Variants in PDE10A observed in about 807,000 individuals in gnomAD.
PDE10A encodes the protein cAMP and cAMP-inhibited cGMP 3',5'-cyclic phosphodiesterase 10A.
In PDE10A, 39 loss-of-function variants were observed where a neutral mutation model predicts 97.7. The observed-to-expected ratio is 0.40, with a 90% CI of 0.31 to 0.52. PDE10A has a LOEUF of 0.52. Among genes scored for constraint, PDE10A ranks in the 20% least tolerant of loss-of-function variants. PDE10A has a pLI of 0.56. For synonymous variants in PDE10A, 371 were observed against 376.8 expected (o/e 0.98, Z 0.18); for missense variants, 731 against 1,047.8 (o/e 0.70, Z 4.17).
Position 165,614,082 on chromosome 6 carries a change from C to G in PDE10A, c.865+47865G>C, listed in dbSNP as rs150138356. On this transcript the variant is annotated intron_variant, in intron 1 of 21. Coordinates refer to ENST00000539869, the MANE Select transcript of PDE10A (RefSeq NM_001385079.1). Reference sequence around the variant, plus strand: ...TGCTAATTATGCGGCTCAGACATCTCGCAAACATTTCCACTTACTTTGACC... The same window carrying G: ...TGCTAATTATGCGGCTCAGACATCTGGCAAACATTTCCACTTACTTTGACC... Among the ~76,000 whole-genome samples the G allele has an allele frequency of 1.2e-3, 179 of 152,306 alleles. 2 individuals are homozygous for G. Among genetic ancestry groups the G allele is most frequent in the Non-Finnish European group, 1.1e-3 (72 of 68,028 alleles).
chr6:165,440,923 C>A (rs1054102618), intron 5 of PDE10A, among the ~76,000 whole-genome samples: 2 of 151,994 alleles, frequency 1.3e-5, no homozygotes, highest in African/African-American at 4.8e-5. Flanking sequence ...TATAAAGATA[C>A]TATCATCAGG....
chr6:165,650,695 C>T (rs1789640329), intron 1 of PDE10A, among the ~76,000 whole-genome samples: 1 of 151,932 alleles, frequency 6.6e-6, no homozygotes, highest in Non-Finnish European at 1.5e-5. Flanking sequence ...GTCACTTTGC[C>T]TATGTGTGAG....
At chr6:165,959,707 T>G (rs1325798941) in intron 1 of PDE10A, among the ~76,000 whole-genome samples, 2 of 152,156 alleles carry the variant, frequency 1.3e-5, no homozygotes, top group Non-Finnish European at 2.9e-5. Context: ...GAGGCTCTTC[T>G]GCTTGGTGAG....
chr6:165,503,597 GC>G (rs1380118078), intron 2 of PDE10A, among the ~76,000 whole-genome samples: 2 of 152,048 alleles, frequency 1.3e-5, no homozygotes, highest in Non-Finnish European at 2.9e-5. Context: ...AAAGCCAAAG[GC>G]TCCTTTTCTT....
At chr6:165,448,322 G>A (rs993628845) in intron 5 of PDE10A, among the ~76,000 whole-genome samples, 1 of 152,126 alleles carries the variant, frequency 6.6e-6, no homozygotes, top group Non-Finnish European at 1.5e-5. Flanking sequence ...TTTTGAAAGT[G>A]CCTTTCTATG....
At chr6:165,639,992 C>T (rs1167145797) in intron 1 of PDE10A, among the ~76,000 whole-genome samples, 1 of 151,578 alleles carries the variant, frequency 6.6e-6, no homozygotes, top group Non-Finnish European at 1.5e-5. Flanking sequence ...ATCACCTGAG[C>T]CCAGGAGGTT....
At chr6:165,769,310 A>G (rs1309991578) in intron 1 of PDE10A, among the ~76,000 whole-genome samples, 1 of 152,240 alleles carries the variant, frequency 6.6e-6, no homozygotes, top group African/African-American at 2.4e-5. Context: ...TGTGGTGGAC[A>G]GCACAGCTTT....
chr6:165,346,778 A>G (rs988633098), intron 18 of PDE10A, among the ~76,000 whole-genome samples: 4 of 152,216 alleles, frequency 2.6e-5, no homozygotes, highest in African/African-American at 7.2e-5. Context: ...TTTTGTTGGA[A>G]AAGAAGAAAC....
chr6:165,752,129 CAAAAAAAAA>C (rs58229023), intron 1 of PDE10A, among the ~76,000 whole-genome samples: 56 of 66,346 alleles, frequency 8.4e-4, no homozygotes, highest in Admixed American at 5.8e-3. Flanking sequence ...GGCAACAGAG[CAAAAAAAAA>C]AAAAAAAAAA....
At position 165,328,287 on chromosome 6, in the gene PDE10A, T is replaced by A. The variant is rs565825103; in HGVS notation, c.*4738A>T. ...GGTGACTAAAGAAAAAGACAAAGGC[T>A]GTAACGCCCAAGATATAATATTTCA... On this transcript the variant is annotated 3_prime_UTR_variant, in exon 22 of 22. Transcript: ENST00000539869. 1.3e-5 allele frequency: 2 copies of A among 152,330 alleles called. No individual in the cohort carries two copies. The highest frequency in any genetic ancestry group is 3.9e-4 in the East Asian group (2 of 5,186). 9.4% of individuals were successfully genotyped at this position (152,330 alleles called of 1,614,324 possible).
chr6:165,715,793 C>T (rs866601516), intron 1 of PDE10A, among the ~76,000 whole-genome samples: 22 of 152,150 alleles, frequency 1.4e-4, no homozygotes, highest in Admixed American at 1.3e-3. Context: ...TTCCGGGCAC[C>T]GTGGTCAGAA....
intron 2 of PDE10A, among the ~76,000 whole-genome samples, chr6:165,526,652 G>C (rs1782465424): frequency 1.3e-5 from 2 of 152,198 alleles, no homozygotes; most frequent in Non-Finnish European, 2.9e-5. Flanking sequence ...GAGAATGACA[G>C]TGGATTATCG....
At chr6:165,395,114 T>C (rs1786055847) in intron 15 of PDE10A, 67 bp downstream of exon 15, 2 of 923,334 alleles carry the variant, frequency 2.2e-6, no homozygotes, top group African/African-American at 3.3e-5. Context: ...GTGAGGCATA[T>C]ATGTAGAAGG....
At chr6:165,773,018 A>T (rs1200390706) in intron 1 of PDE10A, among the ~76,000 whole-genome samples, 4 of 152,218 alleles carry the variant, frequency 2.6e-5, no homozygotes, top group African/African-American at 9.6e-5. Flanking sequence ...TAAAAAATAG[A>T]TTGCCGAAAT....
intron 1 of PDE10A, among the ~76,000 whole-genome samples, chr6:165,836,398 T>C (rs1215142460): frequency 1.3e-5 from 2 of 152,260 alleles, no homozygotes; most frequent in Non-Finnish European, 2.9e-5. Context: ...TAGGGGTCTT[T>C]CTGAGCTGCT....
intron 1 of PDE10A, among the ~76,000 whole-genome samples, chr6:165,738,629 A>T (rs1458883450): frequency 6.6e-6 from 1 of 151,828 alleles, no homozygotes; most frequent in Non-Finnish European, 1.5e-5. Flanking sequence ...AGTCCCACTA[A>T]CAGTGTAAAA....
chr6:165,931,880 G>A (rs1295413917), intron 1 of PDE10A, among the ~76,000 whole-genome samples: 1 of 152,174 alleles, frequency 6.6e-6, no homozygotes, highest in African/African-American at 2.4e-5. Flanking sequence ...AGGTTGTTGA[G>A]AAGCAGGAAT....
chr6:165,691,186 TCCCTCTCTCTCTCTCC>T lies in PDE10A; in HGVS notation c.-614-147634_-614-147619del, dbSNP rs376147506. Among the ~76,000 whole-genome samples the T allele has an allele frequency of 9.4e-5, 2 of 21,368 alleles. 1 individual carries two copies. The highest frequency in any genetic ancestry group is 3.0e-4 in the African/African-American group (2 of 6,618). The allele number at this position is 21,368 out of a possible 152,430, so 14.0% of individuals were successfully genotyped here. ...CTCTCTTTCTTTCTCTCTCTCTCTC[TCCCTCTCTCTCTCTCC>T]CCACACACACACACACACACACACA... is the stretch of plus-strand genomic sequence containing the variant. On this transcript the variant is annotated intron_variant, in intron 1 of 19. Coordinates refer to the PDE10A transcript ENST00000366882.
intron 1 of PDE10A, among the ~76,000 whole-genome samples, chr6:165,689,971 A>C: frequency 6.6e-6 from 1 of 152,174 alleles, no homozygotes; most frequent in East Asian, 1.9e-4. Context: ...TAAGTAAGAT[A>C]CTTTAATTTC....
Sources: gnomAD v4.1 joint callset for allele counts (sites outside exome capture counted in the v4.1 genomes callset) on GRCh38, gnomAD v4.1.1 for gene constraint, MANE v1.5 for transcripts, NCBI Gene and HGNC (gene_info 2026-07-23, HGNC 2026-07-21) for gene names.